Variants in SCHIP1 observed in about 807,000 individuals in gnomAD.
The protein encoded by SCHIP1 is schwannomin-interacting protein 1.
A neutral mutation model predicts 29.7 loss-of-function variants in SCHIP1; 8 were observed. The ratio of observed to expected loss-of-function variants is 0.27; its 90% CI spans 0.16 to 0.49. SCHIP1 has a LOEUF of 0.49. Ranked by LOEUF, SCHIP1 falls within the 20% of genes least tolerant of loss-of-function variation. The probability of loss-of-function intolerance (pLI) is 0.99; values close to 1 mark genes in which losing one functional copy is unlikely to be tolerated. For synonymous variants in SCHIP1, 76 were observed against 94.9 expected (o/e 0.80, Z 1.16); for missense variants, 193 against 294.6 (o/e 0.66, Z 2.52).
the SCHIP1 span, among the ~76,000 whole-genome samples, chr3:159,460,078 T>C: frequency 1.3e-5 from 2 of 152,200 alleles, no homozygotes; most frequent in African/African-American, 4.8e-5. Flanking sequence ...TCTCATCAAC[T>C]CTTACCATCA....
At chr3:159,824,235 T>C in the SCHIP1 span, among the ~76,000 whole-genome samples, 8 of 152,366 alleles carry the variant, frequency 5.3e-5, no homozygotes, top group African/African-American at 1.9e-4. Flanking sequence ...TTATTATTCA[T>C]GCCAAACAGA....
At chr3:159,624,453 G>A in the SCHIP1 span, among the ~76,000 whole-genome samples, 2 of 152,306 alleles carry the variant, frequency 1.3e-5, no homozygotes, top group East Asian at 1.9e-4. Context: ...GCATGGAGGT[G>A]ATCTGTGTCC....
chr3:159,481,735 T>C, the SCHIP1 span, among the ~76,000 whole-genome samples: 3 of 152,216 alleles, frequency 2.0e-5, no homozygotes, highest in Non-Finnish European at 4.4e-5. Flanking sequence ...CTGTGTCTTT[T>C]ATAAGCCCTT....
At chr3:159,668,648 T>C in the SCHIP1 span, among the ~76,000 whole-genome samples, 709 of 152,256 alleles carry the variant, frequency 4.7e-3, 8 homozygotes, top group African/African-American at 0.016. Context: ...GAAGATATTC[T>C]AAGGATGTTG....
chr3:159,792,982 T>TC, the SCHIP1 span, among the ~76,000 whole-genome samples: 2 of 152,216 alleles, frequency 1.3e-5, no homozygotes, highest in Admixed American at 1.3e-4. Flanking sequence ...GTTTGCCATC[T>TC]CCTTGACTCA....
chr3:159,587,012 C>T, the SCHIP1 span, among the ~76,000 whole-genome samples: 1 of 152,166 alleles, frequency 6.6e-6, no homozygotes, highest in African/African-American at 2.4e-5. Flanking sequence ...TCTAAAACTG[C>T]ACGTGCTGTT....
the SCHIP1 span, among the ~76,000 whole-genome samples, chr3:159,462,831 G>T: frequency 1.3e-5 from 2 of 151,932 alleles, no homozygotes; most frequent in Non-Finnish European, 2.9e-5. Context: ...AATTTAACAG[G>T]TATGAGAAGA....
the SCHIP1 span, among the ~76,000 whole-genome samples, chr3:159,679,635 T>C: frequency 6.6e-6 from 1 of 152,142 alleles, no homozygotes; most frequent in Non-Finnish European, 1.5e-5. Flanking sequence ...TAGTCACCTG[T>C]GTCATAATAC....
At chr3:159,418,523 A>C in the SCHIP1 span, among the ~76,000 whole-genome samples, 2 of 152,344 alleles carry the variant, frequency 1.3e-5, no homozygotes, top group Admixed American at 1.3e-4. Flanking sequence ...TTTTGAAAGA[A>C]TGTTACAGGA....
chr3:159,509,930 C>CT, the SCHIP1 span, among the ~76,000 whole-genome samples: 3 of 152,176 alleles, frequency 2.0e-5, no homozygotes, highest in Non-Finnish European at 4.4e-5. Flanking sequence ...TTTGGTGAAT[C>CT]TGACAATTAT....
At chr3:159,342,076 T>C in the SCHIP1 span, among the ~76,000 whole-genome samples, 4 of 152,138 alleles carry the variant, frequency 2.6e-5, no homozygotes, top group Non-Finnish European at 5.9e-5. Flanking sequence ...TATTCTTTCT[T>C]GATTAGGGCA....
chr3:159,774,914 C>T, the SCHIP1 span, among the ~76,000 whole-genome samples: 1 of 152,026 alleles, frequency 6.6e-6, no homozygotes, highest in African/African-American at 2.4e-5. Context: ...ACCTCTTTGG[C>T]TTATCCATCA....
chr3:159,664,526 G>A, the SCHIP1 span, among the ~76,000 whole-genome samples: 5,584 of 152,064 alleles, frequency 0.037, 263 homozygotes, highest in African/African-American at 0.11. Flanking sequence ...TTGTAAAAGT[G>A]TACATATTAA....
the SCHIP1 span, among the ~76,000 whole-genome samples, chr3:159,543,522 C>A: frequency 1.3e-5 from 2 of 151,264 alleles, no homozygotes; most frequent in East Asian, 3.9e-4. Context: ...CCAATTTCAT[C>A]CATGTCCCTA....
chr3:159,300,622 A>G, the SCHIP1 span, among the ~76,000 whole-genome samples: 1 of 152,176 alleles, frequency 6.6e-6, no homozygotes, highest in Non-Finnish European at 1.5e-5. Flanking sequence ...AGTTACATCA[A>G]AATTCAGAGC....
the SCHIP1 span, among the ~76,000 whole-genome samples, chr3:159,769,618 C>T: frequency 4.6e-5 from 7 of 152,050 alleles, no homozygotes; most frequent in East Asian, 9.7e-4. Context: ...GGCATGGTGG[C>T]GGGCGCCTGT....
At chr3:159,358,648 A>G in the SCHIP1 span, among the ~76,000 whole-genome samples, 11 of 152,224 alleles carry the variant, frequency 7.2e-5, no homozygotes, top group African/African-American at 2.2e-4. Flanking sequence ...AAGCTTCTCA[A>G]CCAAAGACTT....
At chr3:159,654,278 A>G in the SCHIP1 span, among the ~76,000 whole-genome samples, 3 of 151,570 alleles carry the variant, frequency 2.0e-5, no homozygotes, top group Non-Finnish European at 4.4e-5. Context: ...TTGCAACCTC[A>G]CTCATTCTCT....
At chr3:159,336,859 G>GT in the SCHIP1 span, among the ~76,000 whole-genome samples, 2 of 152,156 alleles carry the variant, frequency 1.3e-5, no homozygotes, top group Non-Finnish European at 2.9e-5. Context: ...CTTTAAAGTA[G>GT]TTTTTTCCAA....
Sources: allele counts gnomAD v4.1 joint callset (sites outside exome capture counted in the v4.1 genomes callset), GRCh38; gene constraint gnomAD v4.1.1; transcripts MANE v1.5; gene names NCBI Gene and HGNC (gene_info 2026-07-23, HGNC 2026-07-21).